FGF14: variants seen among roughly 807,000 people sequenced by gnomAD.
The protein encoded by FGF14 is fibroblast growth factor homologous factor 4.
Under a neutral mutation model 25.5 loss-of-function variants are expected in FGF14, and 5 were observed. That is an observed-to-expected ratio of 0.20 (90% CI 0.10 to 0.41). The LOEUF is 0.41. Ranked by LOEUF, FGF14 falls within the 10% of genes least tolerant of loss-of-function variation. The pLI is 1.00. For synonymous variants in FGF14, 138 were observed against 118.3 expected, an observed-to-expected ratio of 1.17 and a Z score of -1.08; for missense variants, 222 against 320.1, an observed-to-expected ratio of 0.69 and a Z score of 2.34.
intron 1 of FGF14, among the ~76,000 whole-genome samples, chr13:101,953,841 C>T (rs1212683900): frequency 1.3e-5 from 2 of 152,010 alleles, no homozygotes; most frequent in Admixed American, 6.5e-5. Flanking sequence ...CCACCCACCT[C>T]GGCCTCTCAA....
chr13:101,753,138 G>T (rs2139851002), intron 3 of FGF14, among the ~76,000 whole-genome samples: 1 of 152,092 alleles, frequency 6.6e-6, no homozygotes, highest in Non-Finnish European at 1.5e-5. Flanking sequence ...TGGAATTAAG[G>T]TAAATTTATC....
At chr13:102,226,124 C>A (rs563765236) in intron 1 of FGF14, among the ~76,000 whole-genome samples, 13 of 152,114 alleles carry the variant, frequency 8.5e-5, no homozygotes, top group Non-Finnish European at 1.8e-4. Context: ...CCAGCTGGCC[C>A]GTCCCTTACA....
At chr13:101,876,334 C>T (rs1462592836) in intron 1 of FGF14, among the ~76,000 whole-genome samples, 1 of 152,154 alleles carries the variant, frequency 6.6e-6, no homozygotes, top group Non-Finnish European at 1.5e-5. Context: ...GCTGAATGGG[C>T]CATGCTAATG....
At chr13:102,039,671 C>T (rs1026440) in intron 1 of FGF14, among the ~76,000 whole-genome samples, 49,312 of 152,026 alleles carry the variant, frequency 0.32, 8,888 homozygotes, top group East Asian at 0.73. Context: ...ATGATTTCAT[C>T]TTAACTTGAT....
intron 3 of FGF14, among the ~76,000 whole-genome samples, chr13:101,731,215 T>C (rs2035790021): frequency 6.6e-6 from 1 of 152,174 alleles, no homozygotes; most frequent in African/African-American, 2.4e-5. Context: ...ATTGTGCCAG[T>C]GAAACACTCT....
intron 1 of FGF14, among the ~76,000 whole-genome samples, chr13:101,903,567 A>G (rs995244345): frequency 6.6e-6 from 1 of 152,140 alleles, no homozygotes; most frequent in East Asian, 1.9e-4. Context: ...TCTATATTCA[A>G]ATCTGTGAAT....
At chr13:101,763,382 G>T (rs559921533) in intron 3 of FGF14, among the ~76,000 whole-genome samples, 3 of 152,154 alleles carry the variant, frequency 2.0e-5, no homozygotes, top group Non-Finnish European at 4.4e-5. Context: ...CTCAACCCAT[G>T]GGATGGAATG....
rs565788454 is a variant in FGF14, at chr13:101,748,177, A to G, written c.409-21367T>C. ...AAAAGACACCTGGACTTTTATGTGTATAACAACACTACTCAAAATAGCAAA... is the reference window on the plus strand; with the variant it reads ...AAAAGACACCTGGACTTTTATGTGTGTAACAACACTACTCAAAATAGCAAA... On this transcript the variant is annotated intron_variant, in intron 3 of 4. Transcript: ENST00000376143. Among the ~76,000 whole-genome samples, 8 of 152,164 alleles carry G rather than the reference A, an allele frequency of 5.3e-5. No individual in the cohort carries two copies. The East Asian group carries it at 1.5e-3, about 29-fold the overall frequency.
chr13:102,296,295 A>C (rs1393965241), intron 1 of FGF14, among the ~76,000 whole-genome samples: 1 of 152,160 alleles, frequency 6.6e-6, no homozygotes, highest in Admixed American at 6.6e-5. Context: ...CTTCATTAAA[A>C]AATTGTTTCT....
In FGF14 at chr13:101,776,303, T is replaced by C. The variant is rs1029584082; in HGVS notation, c.409-49493A>G. 6.6e-5 allele frequency among the ~76,000 whole-genome samples: 10 copies of C among 152,132 alleles called. 1 individual carries two copies. The highest frequency in any genetic ancestry group is 1.2e-4 in the Non-Finnish European group (8 of 68,010). On this transcript the variant is annotated intron_variant, in intron 3 of 4. Transcript: ENST00000376143. Reference sequence around the variant, plus strand: ...GTCCTCTGGAAAGGTAGATGTTCCGTGAAACGCCAAAATGAAAATTACCTG... The same window carrying C: ...GTCCTCTGGAAAGGTAGATGTTCCGCGAAACGCCAAAATGAAAATTACCTG...
chr13:101,785,206 T>A (rs558532694), intron 3 of FGF14, among the ~76,000 whole-genome samples: 2 of 151,964 alleles, frequency 1.3e-5, no homozygotes, highest in Non-Finnish European at 2.9e-5. Context: ...TTAAAAATTA[T>A]ATATAGATAT....
intron 3 of FGF14, among the ~76,000 whole-genome samples, chr13:101,742,385 C>T (rs2036611506): frequency 6.6e-6 from 1 of 152,138 alleles, no homozygotes; most frequent in South Asian, 2.1e-4. Flanking sequence ...GAGAAAGTTA[C>T]AGATGAAAAA....
rs770059470 is a variant in FGF14 at position 101,722,787 on chromosome 13, A to G, written c.*44T>C. The G allele has an allele frequency of 4.3e-6, 7 of 1,612,496 alleles. No individual in the cohort carries two copies. The East Asian group carries it at 6.7e-5, about 15-fold the overall frequency. ...ATGTCTGGTGAGGATAAATCACTCA[A>G]CTGTGCTCAGGACGAATAAGTCACA... On this transcript the variant is annotated 3_prime_UTR_variant, in exon 5 of 5. Transcript: ENST00000376143.
intron 1 of FGF14, among the ~76,000 whole-genome samples, chr13:102,140,056 C>T (rs1483481688): frequency 7.1e-6 from 1 of 140,362 alleles, no homozygotes; most frequent in African/African-American, 2.7e-5. Flanking sequence ...CCCCCCCCCC[C>T]TTACAGCAGT....
chr13:101,914,507 G>A (rs2033276328), intron 1 of FGF14, among the ~76,000 whole-genome samples: 1 of 152,008 alleles, frequency 6.6e-6, no homozygotes, highest in Admixed American at 6.6e-5. Context: ...ACAGAACATT[G>A]AAGATTGCTT....
At chr13:102,201,193 A>G (rs2049628978) in intron 1 of FGF14, among the ~76,000 whole-genome samples, 1 of 151,638 alleles carries the variant, frequency 6.6e-6, no homozygotes, top group African/African-American at 2.4e-5. Flanking sequence ...GAGAATGCTA[A>G]AATTTAAGAT....
At chr13:102,209,208 T>C (rs1442346728) in intron 1 of FGF14, among the ~76,000 whole-genome samples, 1 of 152,216 alleles carries the variant, frequency 6.6e-6, no homozygotes, top group Admixed American at 6.5e-5. Flanking sequence ...GGGTATGAGG[T>C]TCCTTATCTG....
chr13:102,356,519 TTA>T (rs2057421661), intron 1 of FGF14, among the ~76,000 whole-genome samples: 1 of 152,186 alleles, frequency 6.6e-6, no homozygotes, highest in Non-Finnish European at 1.5e-5. Context: ...CACCAAAAAG[TTA>T]TATGTTACCT....
At chr13:102,300,451 T>A (rs1040448049) in intron 1 of FGF14, among the ~76,000 whole-genome samples, 4 of 152,168 alleles carry the variant, frequency 2.6e-5, no homozygotes, top group Admixed American at 2.6e-4. Context: ...AGTGTCTTTC[T>A]CCAGATTTGA....
Sources: allele counts gnomAD v4.1 joint callset (sites outside exome capture counted in the v4.1 genomes callset), GRCh38; gene constraint gnomAD v4.1.1; transcripts MANE v1.5; gene names NCBI Gene and HGNC (gene_info 2026-07-23, HGNC 2026-07-21).